MYO3A: variants seen among roughly 807,000 people sequenced by gnomAD.
MYO3A encodes the protein myosin-IIIa.
Under a neutral mutation model 192.7 loss-of-function variants are expected in MYO3A, and 180 were observed. The ratio of observed to expected loss-of-function variants is 0.93; its 90% confidence interval spans 0.83 to 1.06. The LOEUF (loss-of-function observed/expected upper bound fraction) is 1.06, where lower values mean the gene tolerates loss of function less well. MYO3A is among the 50% of genes least tolerant of loss of function. MYO3A has a pLI of 0.00. For synonymous variants in MYO3A, 628 were observed against 645.3 expected (o/e 0.97, Z 0.41); for missense variants, 1,896 against 1,905.0 (o/e 1.00, Z 0.09).
chr10:26,028,748 C>T (rs1842672091), intron 10 of MYO3A, among the ~76,000 whole-genome samples: 1 of 152,168 alleles, frequency 6.6e-6, no homozygotes, highest in South Asian at 2.1e-4. Flanking sequence ...AAGGACTTTA[C>T]TACTCATTGC....
chr10:26,075,629 GTC>G (rs1216467082), intron 14 of MYO3A, among the ~76,000 whole-genome samples: 12 of 144,000 alleles, frequency 8.3e-5, no homozygotes, highest in African/African-American at 3.1e-4. Flanking sequence ...TGATATATAT[GTC>G]TCTCATATAT....
At chr10:25,981,740 T>C (rs968260960) in intron 4 of MYO3A, among the ~76,000 whole-genome samples, 12 of 152,180 alleles carry the variant, frequency 7.9e-5, no homozygotes, top group Non-Finnish European at 1.6e-4. Flanking sequence ...ACTAGTACTA[T>C]TTAGAATGGC....
intron 10 of MYO3A, among the ~76,000 whole-genome samples, 197 bp from the exon 11 acceptor site, chr10:26,066,778 T>C (rs939989190): frequency 5.9e-5 from 9 of 152,184 alleles, no homozygotes; most frequent in South Asian, 2.1e-4. Context: ...ATGAAGTAAA[T>C]TCTGTAATTT....
chr10:26,210,398 A>G (rs2132249901), intron 34 of MYO3A, among the ~76,000 whole-genome samples: 1 of 152,324 alleles, frequency 6.6e-6, no homozygotes, highest in Admixed American at 6.5e-5. Context: ...AGCCTTGGCG[A>G]CATTCTTGGT....
chr10:26,057,432 A>G (rs1452377771), intron 10 of MYO3A, among the ~76,000 whole-genome samples: 1 of 152,172 alleles, frequency 6.6e-6, no homozygotes, highest in Non-Finnish European at 1.5e-5. Flanking sequence ...GTTGGGAGGG[A>G]TGTGAAGAGG....
At chr10:25,978,094 T>A (rs1382987857) in intron 4 of MYO3A, among the ~76,000 whole-genome samples, 1 of 152,220 alleles carries the variant, frequency 6.6e-6, no homozygotes, top group Non-Finnish European at 1.5e-5. Context: ...ATATACTGTG[T>A]GATTTATAAG....
At chr10:25,984,743 A>G (rs1213909907) in intron 4 of MYO3A, among the ~76,000 whole-genome samples, 1 of 152,204 alleles carries the variant, frequency 6.6e-6, no homozygotes, top group Non-Finnish European at 1.5e-5. Context: ...ATGAACTCCA[A>G]AAGGAACCCT....
At chr10:26,084,580 G>T (rs1836185297) in intron 14 of MYO3A, among the ~76,000 whole-genome samples, 1 of 152,120 alleles carries the variant, frequency 6.6e-6, no homozygotes, top group Non-Finnish European at 1.5e-5. Flanking sequence ...ACAGCTCACT[G>T]CAGTGTCTGA....
intron 20 of MYO3A, among the ~76,000 whole-genome samples, chr10:26,132,647 T>G: frequency 6.6e-6 from 1 of 150,434 alleles, no homozygotes; most frequent in African/African-American, 2.4e-5. Context: ...GCAGCACATC[T>G]GACTATTAAC....
At chr10:26,070,570 G>A (rs959436323) in intron 14 of MYO3A, among the ~76,000 whole-genome samples, 169 bp downstream of exon 14, 1 of 151,986 alleles carries the variant, frequency 6.6e-6, no homozygotes, top group African/African-American at 2.4e-5. Flanking sequence ...AATATGAAAA[G>A]CATGTACTCT....
chr10:25,981,137 G>A (rs1434663744), intron 4 of MYO3A, among the ~76,000 whole-genome samples: 1 of 151,972 alleles, frequency 6.6e-6, no homozygotes, highest in Admixed American at 6.5e-5. Context: ...TCAGCAATAT[G>A]CATTTAACGT....
At chr10:26,195,928 A>C (rs79733233) in intron 32 of MYO3A, among the ~76,000 whole-genome samples, 9,295 of 152,322 alleles carry the variant, frequency 0.061, 357 homozygotes, top group Non-Finnish European at 0.085. Context: ...TCAACCTGAC[A>C]CATAGCAGGC....
intron 19 of MYO3A, 73 bp from the exon 20 acceptor site, chr10:26,128,318 A>G: frequency 6.7e-7 from 1 of 1,486,690 alleles, no homozygotes; most frequent in Non-Finnish European, 9.4e-7. Flanking sequence ...CACAAATGGT[A>G]ACTCTAAGAT....
At chr10:25,986,694 T>A (rs1839675508) in intron 4 of MYO3A, among the ~76,000 whole-genome samples, 1 of 152,096 alleles carries the variant, frequency 6.6e-6, no homozygotes, top group Non-Finnish European at 1.5e-5. Flanking sequence ...TACAAAACCG[T>A]GCTGAAAGAA....
chr10:26,000,331 G>A (rs1412703870), intron 6 of MYO3A, among the ~76,000 whole-genome samples: 2 of 152,098 alleles, frequency 1.3e-5, no homozygotes, highest in Admixed American at 6.6e-5. Flanking sequence ...ATTTATTGAC[G>A]TGCTTTTTCT....
At chr10:26,111,382 C>T (rs962817048) in intron 17 of MYO3A, among the ~76,000 whole-genome samples, 1 of 152,176 alleles carries the variant, frequency 6.6e-6, no homozygotes, top group African/African-American at 2.4e-5. Context: ...ATTCTGATGT[C>T]CCAGGCATCA....
chr10:26,106,726 A>G (rs888267326), intron 17 of MYO3A, among the ~76,000 whole-genome samples: 1 of 152,018 alleles, frequency 6.6e-6, no homozygotes, highest in Non-Finnish European at 1.5e-5. Flanking sequence ...GCTGCTATTG[A>G]TATAATCATA....
chr10:26,205,605 T>A (rs1191710510), intron 34 of MYO3A, among the ~76,000 whole-genome samples: 2 of 144,784 alleles, frequency 1.4e-5, no homozygotes, highest in Non-Finnish European at 3.0e-5. Flanking sequence ...TTTCTTTTCT[T>A]TTCTTTTTTT....
chr10:26,142,490 G>A (rs1419497811), intron 20 of MYO3A, among the ~76,000 whole-genome samples: 1 of 152,204 alleles, frequency 6.6e-6, no homozygotes, highest in East Asian at 1.9e-4. Context: ...GTAATTATCT[G>A]TGGTTCATTG....
Sources: allele counts gnomAD v4.1 joint callset (sites outside exome capture counted in the v4.1 genomes callset), GRCh38; gene constraint gnomAD v4.1.1; transcripts MANE v1.5; gene names NCBI Gene and HGNC (gene_info 2026-07-23, HGNC 2026-07-21).